The following TCF20 variants were observed in gnomAD, a reference collection of about 807,000 sequenced individuals.
The protein encoded by TCF20 is transcription factor 20.
Under a neutral mutation model 148.6 loss-of-function variants are expected in TCF20, and 3 were observed. The observed-to-expected ratio is 0.02, with a 90% CI of 0.01 to 0.05. The LOEUF (loss-of-function observed/expected upper bound fraction) is 0.05. Ranked by LOEUF, TCF20 falls within the 10% of genes least tolerant of loss-of-function variation. TCF20 has a pLI of 1.00. For synonymous variants in TCF20, 1,049 were observed against 909.5 expected (o/e 1.15, Z -2.76); for missense variants, 2,350 against 2,429.3 (o/e 0.97, Z 0.69).
intron 5 of TCF20, among the ~76,000 whole-genome samples, chr22:42,163,289 G>A (rs541336682): frequency 2.8e-3 from 422 of 152,302 alleles, no homozygotes; most frequent in African/African-American, 8.9e-3. Flanking sequence ...TCCCTGGGGC[G>A]CGTGGTGGCC....
intron 4 of TCF20, 85 bp from the exon 5 acceptor site, chr22:42,168,821 G>A (rs1418415329): frequency 4.1e-6 from 6 of 1,448,108 alleles, no homozygotes; most frequent in Non-Finnish European, 5.5e-6. Context: ...GACAGGAGTG[G>A]CACATGGAAA....
intron 1 of TCF20, among the ~76,000 whole-genome samples, chr22:42,321,025 A>T (rs1272915749): frequency 6.6e-6 from 1 of 152,240 alleles, no homozygotes; most frequent in Admixed American, 6.5e-5. Flanking sequence ...ATATAACATT[A>T]TGGCTGAGAA....
At chr22:42,208,802 G>A (rs953296435) in intron 2 of TCF20, among the ~76,000 whole-genome samples, 1 of 151,244 alleles carries the variant, frequency 6.6e-6, no homozygotes, top group East Asian at 2.0e-4. Flanking sequence ...TAGAGGGAAG[G>A]AAATTTTCAA....
upstream of TCF20, among the ~76,000 whole-genome samples, chr22:42,271,325 C>T (rs1926612328): frequency 6.6e-6 from 1 of 152,246 alleles, no homozygotes; most frequent in Non-Finnish European, 1.5e-5. Flanking sequence ...GCTCCAGCTG[C>T]CTTCTGCTGC....
chr22:42,242,841 C>T (rs1195857564), intron 1 of TCF20, among the ~76,000 whole-genome samples: 2 of 151,896 alleles, frequency 1.3e-5, no homozygotes, highest in African/African-American at 2.4e-5. Flanking sequence ...GAGTGGAGAT[C>T]GCACCACTGC....
At position 42,247,338 on chromosome 22, in the gene TCF20, G is replaced by C. The variant is rs548349238; in HGVS notation, c.-37+23001C>G. ...GCCTGTAATCCCAGCTACTCAGGAG[G>C]CTGAGGCAGGAGAATGGCATGAACC... On this transcript the variant is annotated intron_variant, in intron 1 of 5. Coordinates refer to ENST00000677622, the MANE Select transcript of TCF20 (RefSeq NM_001378418.1). Among the ~76,000 whole-genome samples, 8 of 151,518 alleles carry C rather than the reference G, an allele frequency of 5.3e-5. No homozygotes were observed. The South Asian group carries it at 1.7e-3, about 32-fold the overall frequency.
At chr22:42,195,165 G>T (rs1190843754) in intron 2 of TCF20, among the ~76,000 whole-genome samples, 2 of 149,696 alleles carry the variant, frequency 1.3e-5, no homozygotes, top group Non-Finnish European at 3.0e-5. Flanking sequence ...CAGGAGTTGT[G>T]TTTTTCAACA....
At chr22:42,293,448 C>T (rs1927169362) in intron 1 of TCF20, among the ~76,000 whole-genome samples, 1 of 152,224 alleles carries the variant, frequency 6.6e-6, no homozygotes, top group Non-Finnish European at 1.5e-5. Flanking sequence ...CCTCCTTTAT[C>T]CTGCATGACT....
At chr22:42,272,946 G>GAGGCC (rs2147007672), upstream of TCF20, among the ~76,000 whole-genome samples, 1 of 152,260 alleles carries the variant, frequency 6.6e-6, no homozygotes, top group East Asian at 1.9e-4. Flanking sequence ...AGGATTGCTT[G>GAGGCC]AGGCCAGGAG....
upstream of TCF20, among the ~76,000 whole-genome samples, chr22:42,287,277 G>A (rs1328270944): frequency 6.6e-6 from 1 of 152,140 alleles, no homozygotes; most frequent in African/African-American, 2.4e-5. Flanking sequence ...TTATTGTTGG[G>A]GATGAAGGCC....
rs530506203 is a variant in TCF20, at chr22:42,208,282, A to G, written c.5655+1369T>C. Among the ~76,000 whole-genome samples, 5 of 151,840 alleles carry G rather than the reference A, an allele frequency of 3.3e-5. No individual in the cohort carries two copies. In the East Asian group the frequency reaches 7.7e-4, roughly 23 times the overall value. ...TCTTTAAAAGTCAGTACATTCAGAG[A>G]AAAAAAAAGCTCTTCAAAATATCAA... On this transcript the variant is annotated intron_variant, in intron 2 of 5. Coordinates refer to ENST00000677622, the MANE Select transcript of TCF20 (RefSeq NM_001378418.1).
chr22:42,208,140 T>C (rs1314901174), intron 2 of TCF20, among the ~76,000 whole-genome samples: 1 of 152,106 alleles, frequency 6.6e-6, no homozygotes, highest in Non-Finnish European at 1.5e-5. Context: ...ATCACATCAC[T>C]GCACTCCAGC....
At chr22:42,302,388 G>A (rs192382618) in intron 1 of TCF20, among the ~76,000 whole-genome samples, 10 of 152,184 alleles carry the variant, frequency 6.6e-5, no homozygotes, top group South Asian at 4.1e-4. Flanking sequence ...GGGGCTGAGC[G>A]TACAGAGGCA....
At position 42,211,338 on chromosome 22, in the gene TCF20, G is replaced by A. The variant is rs1920956480; in HGVS notation, c.3968C>T (p.Pro1323Leu). Residue 1323 changes from proline (P) to leucine (L), a missense_variant, in exon 2 of 6, where the codon CCA becomes CTA. By Grantham distance (98) the Pro-to-Leu change is moderately conservative. Coordinates refer to ENST00000677622, the MANE Select transcript of TCF20 (RefSeq NM_001378418.1). ...AACAGCAGGGCAGTTTCTACTATCTGGACTTGGAAGGTCCTTGGAGGAATC... is the reference window on the plus strand; with the variant it reads ...AACAGCAGGGCAGTTTCTACTATCTAGACTTGGAAGGTCCTTGGAGGAATC... ...KRDSSKDLPS[P>L]DSRNCPAVTL... The A allele has an allele frequency of 1.2e-6, 2 of 1,614,130 alleles. No homozygotes were observed. The highest frequency in any genetic ancestry group is 1.3e-5 in the African/African-American group (1 of 75,026).
rs761187863 is a variant in TCF20 at position 42,212,413 on chromosome 22, C to T, written c.2893G>A (p.Ala965Thr). The change falls in exon 2 of 6, where the codon GCC becomes ACC. Residue 965 changes from alanine to threonine, a missense_variant. Around this residue, in one of 7 missense-constraint regions of TCF20, gnomAD observed 1,641 missense variants for 1,662.6 expected, o/e 0.99. Transcript: ENST00000677622. ...SIKHESYRGN[A>T]SPGAATHDSL... is the part of the protein sequence containing the mutation. ...TCATGGGTTGCTGCTCCAGGGCTGG[C>T]ATTGCCGCGGTAAGACTCATGCTTG... is the stretch of plus-strand genomic sequence containing the variant. The T allele has an allele frequency of 1.2e-6, 2 of 1,614,206 alleles. No individual in the cohort carries two copies. Among genetic ancestry groups the T allele is most frequent in the South Asian group, 2.2e-5 (2 of 91,080 alleles).
intron 1 of TCF20, among the ~76,000 whole-genome samples, chr22:42,242,280 C>CT (rs1924508605): frequency 6.7e-6 from 1 of 148,972 alleles, no homozygotes; most frequent in Non-Finnish European, 1.5e-5. Flanking sequence ...TGGGTGGACT[C>CT]TTAGAATGAG....
chr22:42,253,314 G>A (rs1925527474), intron 1 of TCF20, among the ~76,000 whole-genome samples: 2 of 152,098 alleles, frequency 1.3e-5, no homozygotes, highest in South Asian at 4.1e-4. Flanking sequence ...CACTGTCACT[G>A]GGTTCCAGAA....
chr22:42,166,345 C>T (rs917231952), intron 5 of TCF20, among the ~76,000 whole-genome samples: 3 of 152,186 alleles, frequency 2.0e-5, no homozygotes, highest in African/African-American at 4.8e-5. Context: ...CCGTGGCTCA[C>T]GCCTGTAATC....
At chr22:42,275,054 G>C (rs1440476583), upstream of TCF20, 1 of 152,244 alleles carries the variant, frequency 6.6e-6, no homozygotes, top group African/African-American at 2.4e-5. Context: ...AGGCTGAGCT[G>C]GTATTTGAAC....
Sources: gnomAD v4.1 joint callset for allele counts (sites outside exome capture counted in the v4.1 genomes callset) on GRCh38, gnomAD v4.1.1 for gene constraint, gnomAD v4.1.1 regional missense constraint, MANE v1.5 for transcripts, NCBI Gene and HGNC (gene_info 2026-07-23, HGNC 2026-07-21) for gene names.